EXOC4: variants seen among roughly 807,000 people sequenced by gnomAD.
The protein encoded by EXOC4 is exocyst complex component 4.
EXOC4 carries 71 observed loss-of-function variants against 107.2 expected under a neutral mutation model. The ratio of observed to expected loss-of-function variants is 0.66; its 90% confidence interval spans 0.55 to 0.81. The LOEUF is 0.81. Ranked by LOEUF, EXOC4 falls within the 30% of genes least tolerant of loss-of-function variation. The probability of loss-of-function intolerance (pLI) is 0.00; values close to 1 mark genes in which losing one functional copy is unlikely to be tolerated. For synonymous variants in EXOC4, 456 were observed against 441.2 expected, an observed-to-expected ratio of 1.03 and a Z score of -0.42; for missense variants, 1,108 against 1,189.6, an observed-to-expected ratio of 0.93 and a Z score of 1.01.
intron 11 of EXOC4, among the ~76,000 whole-genome samples, chr7:133,855,130 T>TATATATAAATATATATATATAA (rs1478685420): frequency 9.4e-6 from 1 of 105,966 alleles, no homozygotes; most frequent in Non-Finnish European, 1.9e-5. Flanking sequence ...TATATATAAA[T>TATATATAAATATATATATATAA]ATATATATAT....
At chr7:133,714,069 T>G (rs1794950578) in intron 10 of EXOC4, among the ~76,000 whole-genome samples, 1 of 152,096 alleles carries the variant, frequency 6.6e-6, no homozygotes, top group Non-Finnish European at 1.5e-5. Context: ...GCACAACCAC[T>G]GTCAGGCCCA....
chr7:133,625,506 T>A (rs924337774), intron 9 of EXOC4, among the ~76,000 whole-genome samples: 3 of 152,248 alleles, frequency 2.0e-5, no homozygotes, highest in Non-Finnish European at 4.4e-5. Context: ...TTTCTGAGGC[T>A]TTGGTTTCTG....
At chr7:133,350,252 C>T (rs1290513075) in intron 5 of EXOC4, among the ~76,000 whole-genome samples, 3 of 151,982 alleles carry the variant, frequency 2.0e-5, no homozygotes, top group African/African-American at 7.2e-5. Flanking sequence ...TTACCAAATC[C>T]AATGTCATAA....
intron 9 of EXOC4, among the ~76,000 whole-genome samples, chr7:133,625,317 C>A (rs1330120662): frequency 6.6e-6 from 1 of 152,158 alleles, no homozygotes; most frequent in East Asian, 1.9e-4. Flanking sequence ...CACCACAAGT[C>A]TTTGAAAAAG....
chr7:133,699,399 G>T (rs968671880), intron 10 of EXOC4, among the ~76,000 whole-genome samples: 15 of 152,116 alleles, frequency 9.9e-5, no homozygotes, highest in Non-Finnish European at 2.2e-4. Context: ...GGAATAGCAG[G>T]GGAGCAATCC....
intron 9 of EXOC4, among the ~76,000 whole-genome samples, chr7:133,544,432 G>GATT (rs1800440674): frequency 6.6e-6 from 1 of 152,022 alleles, no homozygotes; most frequent in African/African-American, 2.4e-5. Flanking sequence ...GTAGGAAACT[G>GATT]ATTTACCTTA....
At chr7:134,014,659 TG>T (rs910881686) in intron 17 of EXOC4, among the ~76,000 whole-genome samples, 2 of 152,034 alleles carry the variant, frequency 1.3e-5, no homozygotes, top group African/African-American at 4.8e-5. Flanking sequence ...GAGGAGTCTT[TG>T]GGGGGTGATG....
chr7:134,073,313 A>C, the EXOC4 span, among the ~76,000 whole-genome samples: 1 of 151,384 alleles, frequency 6.6e-6, no homozygotes, highest in African/African-American at 2.4e-5. Context: ...AGGCCCCCAG[A>C]ACCATCCATC....
intron 14 of EXOC4, among the ~76,000 whole-genome samples, chr7:133,994,492 A>G (rs1469500454): frequency 1.3e-5 from 2 of 152,188 alleles, no homozygotes; most frequent in Non-Finnish European, 2.9e-5. Context: ...CGTTCAGCAC[A>G]TGTATCCCAG....
chr7:133,710,178 G>C (rs565340128), intron 10 of EXOC4, among the ~76,000 whole-genome samples: 21 of 152,168 alleles, frequency 1.4e-4, no homozygotes, highest in Admixed American at 1.2e-3. Flanking sequence ...TGATAGTCTG[G>C]GCTTCTATCA....
chr7:133,337,461 A>AT (rs889102618), intron 5 of EXOC4, among the ~76,000 whole-genome samples: 2 of 151,658 alleles, frequency 1.3e-5, no homozygotes, highest in African/African-American at 2.4e-5. Flanking sequence ...CTTTTTAAGC[A>AT]TTTTTGTCTC....
chr7:134,094,732 A>G, the EXOC4 span, among the ~76,000 whole-genome samples: 1 of 152,236 alleles, frequency 6.6e-6, no homozygotes, highest in Non-Finnish European at 1.5e-5. Flanking sequence ...GAAAACAAAA[A>G]CCATATGATC....
intron 10 of EXOC4, among the ~76,000 whole-genome samples, chr7:133,666,226 T>C (rs1793809898): frequency 6.6e-6 from 1 of 152,234 alleles, no homozygotes; most frequent in African/African-American, 2.4e-5. Flanking sequence ...TTTAATGTCA[T>C]AGCTGTCCTG....
chr7:133,626,768 T>A (rs1802467119), intron 9 of EXOC4, among the ~76,000 whole-genome samples: 1 of 152,196 alleles, frequency 6.6e-6, no homozygotes, highest in Non-Finnish European at 1.5e-5. Context: ...TTCTAGTGAC[T>A]CTGACGTTTT....
intron 13 of EXOC4, among the ~76,000 whole-genome samples, chr7:133,918,994 A>G (rs955697878): frequency 6.6e-6 from 1 of 152,230 alleles, no homozygotes; most frequent in African/African-American, 2.4e-5. Flanking sequence ...AAGTTAACCT[A>G]TAATCATACA....
At chr7:133,453,757 A>G (rs1324784803) in intron 7 of EXOC4, among the ~76,000 whole-genome samples, 1 of 152,120 alleles carries the variant, frequency 6.6e-6, no homozygotes, top group Non-Finnish European at 1.5e-5. Context: ...CTTCTGTTTT[A>G]ATAAACAGAT....
At chr7:134,073,205 C>CAAAAAAA in the EXOC4 span, among the ~76,000 whole-genome samples, 1,038 of 22,566 alleles carry the variant, frequency 0.046, 239 homozygotes, top group African/African-American at 0.097. Context: ...GACTTCCTCT[C>CAAAAAAA]AAAAAAAAAA....
intron 10 of EXOC4, among the ~76,000 whole-genome samples, chr7:133,772,001 A>T (rs866630861): frequency 6.6e-6 from 1 of 151,972 alleles, no homozygotes. Flanking sequence ...ATGACAGTTA[A>T]TTAGATACTG....
intron 17 of EXOC4, among the ~76,000 whole-genome samples, chr7:134,025,038 C>T (rs1186111111): frequency 6.6e-6 from 1 of 152,206 alleles, no homozygotes; most frequent in African/African-American, 2.4e-5. Flanking sequence ...TTTATTTCTG[C>T]TCCCTTTCCA....
Sources: gnomAD v4.1 joint callset for allele counts (sites outside exome capture counted in the v4.1 genomes callset) on GRCh38, gnomAD v4.1.1 for gene constraint, MANE v1.5 for transcripts, NCBI Gene and HGNC (gene_info 2026-07-23, HGNC 2026-07-21) for gene names.